The following ARHGAP6 variants were observed in gnomAD, a reference collection of about 807,000 sequenced individuals.
The protein encoded by ARHGAP6 is Rho GTPase activating protein 6.
A neutral mutation model predicts 55.7 loss-of-function variants in ARHGAP6; 16 were observed. The observed-to-expected ratio is 0.29, with a 90% CI of 0.19 to 0.44. The LOEUF (loss-of-function observed/expected upper bound fraction) is 0.44, where lower values mean the gene tolerates loss of function less well. ARHGAP6 is among the 20% of genes least tolerant of loss of function. The probability of loss-of-function intolerance (pLI) is 1.00; values close to 1 mark genes in which losing one functional copy is unlikely to be tolerated. For synonymous variants in ARHGAP6, 382 were observed against 360.9 expected, an observed-to-expected ratio of 1.06 and a Z score of -0.66; for missense variants, 698 against 808.9, an observed-to-expected ratio of 0.86 and a Z score of 1.66.
intron 1 of ARHGAP6, among the ~76,000 whole-genome samples, chrX:11,558,526 C>T (rs985182056): frequency 9.0e-6 from 1 of 110,868 alleles, no homozygotes; most frequent in South Asian, 3.9e-4. Context: ...AGATAAAGAG[C>T]TGTAGGTACA....
chrX:11,605,388 T>C (rs1403316455), intron 1 of ARHGAP6, among the ~76,000 whole-genome samples: 1 of 111,171 alleles, frequency 9.0e-6, no homozygotes, highest in African/African-American at 3.3e-5. Flanking sequence ...GAGACACTGG[T>C]ATTCTGCTAT....
chrX:11,396,229 A>G (rs746268877), intron 1 of ARHGAP6, among the ~76,000 whole-genome samples: 1 of 110,482 alleles, frequency 9.1e-6, no homozygotes, highest in Non-Finnish European at 1.9e-5. Flanking sequence ...CCTCAGGAAC[A>G]CTTTAAAATT....
At chrX:11,266,290 G>A (rs1274941457) in intron 1 of ARHGAP6, among the ~76,000 whole-genome samples, 1 of 111,355 alleles carries the variant, frequency 9.0e-6, no homozygotes, top group Non-Finnish European at 1.9e-5. Flanking sequence ...ACCAAAGAAT[G>A]TTGGAAGCCA....
intron 1 of ARHGAP6, among the ~76,000 whole-genome samples, chrX:11,523,252 T>C (rs2050952962): frequency 1.8e-5 from 2 of 111,296 alleles, no homozygotes; most frequent in Admixed American, 1.9e-4. Flanking sequence ...ATAAGAGCTA[T>C]TTATGACAAA....
intron 1 of ARHGAP6, among the ~76,000 whole-genome samples, chrX:11,405,620 C>G (rs12559362): frequency 0.034 from 3,801 of 111,957 alleles, 64 homozygotes; most frequent in Middle Eastern, 0.097. Context: ...GGTTCTTAGT[C>G]TAAACATTGA....
chrX:11,513,619 C>G (rs2050805965), intron 1 of ARHGAP6, among the ~76,000 whole-genome samples: 1 of 110,915 alleles, frequency 9.0e-6, no homozygotes, highest in Non-Finnish European at 1.9e-5. Flanking sequence ...AGTTATTTGT[C>G]CAGTCTCTCC....
chrX:11,624,835 G>C (rs935098997), intron 1 of ARHGAP6, among the ~76,000 whole-genome samples: 1 of 112,019 alleles, frequency 8.9e-6, no homozygotes, highest in African/African-American at 3.2e-5. Flanking sequence ...ACAGGCATGA[G>C]CCACCATGCC....
chrX:11,385,817 C>T (rs2147729748), intron 1 of ARHGAP6, among the ~76,000 whole-genome samples: 1 of 111,681 alleles, frequency 9.0e-6, no homozygotes, highest in Admixed American at 9.5e-5. Context: ...TGTTTTTAAA[C>T]ATTAATGCAA....
chrX:11,345,851 C>A (rs1603106508), intron 1 of ARHGAP6, among the ~76,000 whole-genome samples: 1 of 111,935 alleles, frequency 8.9e-6, no homozygotes, highest in East Asian at 2.8e-4. Context: ...TGCTTCTACT[C>A]TCCCTAATGA....
At chrX:11,298,073 C>A (rs1423719054) in intron 1 of ARHGAP6, 32 of 1,206,512 alleles carry the variant, frequency 2.7e-5, no homozygotes, top group Admixed American at 4.4e-5. Flanking sequence ...AAGCACCCAA[C>A]AAATTTTTAC....
At chrX:11,144,344 T>C in intron 10 of ARHGAP6, 96 bp from the exon 11 acceptor site, 1 of 1,107,364 alleles carries the variant, frequency 9.0e-7, no homozygotes, top group Non-Finnish European at 1.2e-6. Flanking sequence ...TGGAGGAGTA[T>C]GCGTGGACAC....
rs751080433 is a variant in ARHGAP6, at chrX:11,254,716, CA to C, written c.589-10del. 0.2 allele frequency: 139,508 copies of C among 714,693 alleles called. 1 individual carries two copies. The highest frequency in any genetic ancestry group is 0.2 in the Non-Finnish European group (118,345 of 579,724). The allele number at this position is 714,693 out of a possible 1,213,427, so 58.9% of individuals were successfully genotyped here. ...TTCCAGGTGAAATCACCCTGTAGGC[CA>C]AAAAAAAAAAAAAAAAAAAAATCAA... On this transcript the variant is annotated splice_polypyrimidine_tract_variant and intron_variant, in intron 1 of 12. Transcript: ENST00000337414.
intron 11 of ARHGAP6, 43 bp downstream of exon 11, chrX:11,143,937 G>A (rs775917207): frequency 8.3e-7 from 1 of 1,212,093 alleles, no homozygotes; most frequent in African/African-American, 1.7e-5. Flanking sequence ...CAAGAGGAGG[G>A]TCGCTTGTTT....
intron 10 of ARHGAP6, among the ~76,000 whole-genome samples, chrX:11,152,279 A>G (rs1377708530): frequency 1.8e-5 from 2 of 112,512 alleles, no homozygotes; most frequent in Admixed American, 9.4e-5. Flanking sequence ...CTATTAAACT[A>G]CACAAGCATG....
chrX:11,346,646 T>G (rs763655178), intron 1 of ARHGAP6, among the ~76,000 whole-genome samples: 7 of 107,058 alleles, frequency 6.5e-5, no homozygotes, highest in Non-Finnish European at 1.2e-4. Context: ...GAGGTGGAGG[T>G]TTCAGTAAGC....
intron 1 of ARHGAP6, among the ~76,000 whole-genome samples, chrX:11,383,998 A>G (rs1176973120): frequency 1.8e-5 from 2 of 110,739 alleles, no homozygotes; most frequent in African/African-American, 6.6e-5. Context: ...CAGAATTTTA[A>G]TGCTTGAAAA....
In ARHGAP6 at chrX:11,275,737, C is replaced by T. The variant is rs556625463; in HGVS notation, c.589-21030G>A. On this transcript the variant is annotated intron_variant, in intron 1 of 12. Transcript: ENST00000337414. ...TTAGCTCTTGGGCTTCACCAAGCCTCACTTACTTCACATCCCTTAATTTCA... is the reference window on the plus strand; with the variant it reads ...TTAGCTCTTGGGCTTCACCAAGCCTTACTTACTTCACATCCCTTAATTTCA... 7.2e-5 allele frequency among the ~76,000 whole-genome samples: 8 copies of T among 111,682 alleles called. No homozygotes were observed. In the East Asian group the frequency reaches 2.3e-3, roughly 32 times the overall value.
intron 1 of ARHGAP6, among the ~76,000 whole-genome samples, chrX:11,442,265 AT>A (rs1197559022): frequency 7.3e-5 from 8 of 110,340 alleles, no homozygotes; most frequent in Non-Finnish European, 1.5e-4. Flanking sequence ...GCCAAAAAAT[AT>A]GGGTGATTTT....
chrX:11,435,682 T>C lies in ARHGAP6; in HGVS notation c.589-180975A>G, dbSNP rs73500840. 6.4e-3 allele frequency among the ~76,000 whole-genome samples: 713 copies of C among 111,946 alleles called. 6 individuals are homozygous for C. Among genetic ancestry groups the C allele is most frequent in the African/African-American group, 0.022 (678 of 30,808 alleles). The stretch of plus-strand genomic sequence containing the variant: ...GAAACTGAAACTCATAAAGGCCGGG[T>C]GATTTGTCCAACGTCATGCAGATAG... On this transcript the variant is annotated intron_variant, in intron 1 of 12. Coordinates refer to ENST00000337414, the MANE Select transcript of ARHGAP6 (RefSeq NM_013427.3).
Sources: gnomAD v4.1 joint callset for allele counts (sites outside exome capture counted in the v4.1 genomes callset) on GRCh38, gnomAD v4.1.1 for gene constraint, MANE v1.5 for transcripts, NCBI Gene and HGNC (gene_info 2026-07-23, HGNC 2026-07-21) for gene names.